NEO1: variants seen among roughly 807,000 people sequenced by gnomAD.
NEO1 encodes the protein neogenin 1.
Under a neutral mutation model 159.7 loss-of-function variants are expected in NEO1, and 63 were observed. The ratio of observed to expected loss-of-function variants is 0.39; its 90% CI spans 0.32 to 0.49. The LOEUF is 0.49. NEO1 is among the 20% of genes least tolerant of loss of function. NEO1 has a pLI of 0.85. For synonymous variants in NEO1, 633 were observed against 662.0 expected (o/e 0.96, Z 0.67); for missense variants, 1,615 against 1,831.0 (o/e 0.88, Z 2.15).
At chr15:73,078,447 G>GA (rs1333917389) in intron 1 of NEO1, among the ~76,000 whole-genome samples, 1 of 152,304 alleles carries the variant, frequency 6.6e-6, no homozygotes, top group African/African-American at 2.4e-5. Context: ...GATGATTCAG[G>GA]AGGAGCAGTA....
chr15:73,136,782 A>G (rs2031807346), intron 5 of NEO1, among the ~76,000 whole-genome samples: 1 of 152,106 alleles, frequency 6.6e-6, no homozygotes, highest in African/African-American at 2.4e-5. Context: ...CCATATGGAA[A>G]TGTACCCTCA....
intron 5 of NEO1, among the ~76,000 whole-genome samples, chr15:73,168,233 A>T (rs2034705785): frequency 6.6e-6 from 1 of 152,010 alleles, no homozygotes; most frequent in South Asian, 2.1e-4. Flanking sequence ...TCTGGTGCCC[A>T]GGCTGAAGTG....
intron 5 of NEO1, among the ~76,000 whole-genome samples, chr15:73,170,288 GTAAT>G (rs1227412851): frequency 7.2e-5 from 11 of 152,150 alleles, no homozygotes; most frequent in African/African-American, 2.4e-4. Context: ...AAGTAAATGA[GTAAT>G]TATGTTAGTG....
chr15:73,073,810 C>G (rs1332897311), intron 1 of NEO1, among the ~76,000 whole-genome samples: 1 of 152,108 alleles, frequency 6.6e-6, no homozygotes, highest in Non-Finnish European at 1.5e-5. Context: ...ATGTACCATA[C>G]TAGGAGATTT....
At chr15:73,272,674 C>A in intron 19 of NEO1, 112 bp downstream of exon 19, 1 of 755,784 alleles carries the variant, frequency 1.3e-6, no homozygotes, top group Non-Finnish European at 2.3e-6. Flanking sequence ...CTGGCTTGGT[C>A]ATTTTATGGT....
chr15:73,240,566 G>C (rs2039442778), intron 8 of NEO1, among the ~76,000 whole-genome samples: 1 of 152,130 alleles, frequency 6.6e-6, no homozygotes, highest in South Asian at 2.1e-4. Flanking sequence ...AGATAAGAAG[G>C]GACCATTTTT....
intron 19 of NEO1, 53 bp from the exon 20 acceptor site, chr15:73,273,758 G>A: frequency 1.4e-6 from 2 of 1,420,642 alleles, no homozygotes; most frequent in Non-Finnish European, 1.9e-6. Context: ...TTTACTGAAG[G>A]CAAAAGGAAA....
intron 1 of NEO1, among the ~76,000 whole-genome samples, chr15:73,100,643 G>T (rs1347021695): frequency 1.3e-5 from 2 of 152,042 alleles, no homozygotes; most frequent in South Asian, 4.1e-4. Flanking sequence ...CCACTTTGAT[G>T]TCTTGAACCC....
chr15:73,085,672 A>G (rs2069315592), intron 1 of NEO1, among the ~76,000 whole-genome samples: 1 of 152,140 alleles, frequency 6.6e-6, no homozygotes, highest in Non-Finnish European at 1.5e-5. Flanking sequence ...CCATTCTATT[A>G]GGTATTTTAG....
At chr15:73,070,126 A>C (rs2068462121) in intron 1 of NEO1, among the ~76,000 whole-genome samples, 1 of 152,252 alleles carries the variant, frequency 6.6e-6, no homozygotes, top group Non-Finnish European at 1.5e-5. Context: ...CAACAAGAAT[A>C]GTACAATTTA....
chr15:73,069,843 A>G (rs1299873856), intron 1 of NEO1, among the ~76,000 whole-genome samples: 2 of 152,178 alleles, frequency 1.3e-5, no homozygotes, highest in African/African-American at 2.4e-5. Context: ...AAGTAGAGGC[A>G]TTATATATTC....
chr15:73,192,840 C>T, intron 7 of NEO1, among the ~76,000 whole-genome samples: 1 of 151,852 alleles, frequency 6.6e-6, no homozygotes, highest in East Asian at 1.9e-4. Flanking sequence ...ATGGTTATAG[C>T]TGAGGAATGG....
chr15:73,238,922 C>T (rs754129690), intron 8 of NEO1, among the ~76,000 whole-genome samples: 9 of 152,118 alleles, frequency 5.9e-5, no homozygotes, highest in Admixed American at 2.0e-4. Flanking sequence ...TATATTGGCT[C>T]ACTGCAGCCT....
chr15:73,130,681 A>G (rs12899246), intron 4 of NEO1, among the ~76,000 whole-genome samples: 60,852 of 152,016 alleles, frequency 0.4, 13,722 homozygotes, highest in Middle Eastern at 0.52. Context: ...TATCCTAGCC[A>G]GGCAGTAATG....
At chr15:73,060,538 G>A (rs1275564748) in intron 1 of NEO1, among the ~76,000 whole-genome samples, 2 of 152,124 alleles carry the variant, frequency 1.3e-5, no homozygotes, top group African/African-American at 4.8e-5. Context: ...AAAGTGTTGG[G>A]ATTACAGACG....
At chr15:73,197,941 T>G (rs1245568062) in intron 7 of NEO1, among the ~76,000 whole-genome samples, 1 of 152,012 alleles carries the variant, frequency 6.6e-6, no homozygotes, top group African/African-American at 2.4e-5. Context: ...TCAGCCTCCC[T>G]AAGTACTGGG....
intron 13 of NEO1, among the ~76,000 whole-genome samples, chr15:73,257,461 C>A (rs1310846749): frequency 6.6e-6 from 1 of 152,076 alleles, no homozygotes; most frequent in Non-Finnish European, 1.5e-5. Flanking sequence ...CATGTTCTGG[C>A]ACTGAGTATA....
intron 5 of NEO1, among the ~76,000 whole-genome samples, chr15:73,171,859 C>T (rs2034994123): frequency 6.6e-6 from 1 of 151,884 alleles, no homozygotes; most frequent in South Asian, 2.1e-4. Flanking sequence ...CCAGGCTAGT[C>T]TTGAACTCCT....
chr15:73,222,091 A>ATTGTTT, intron 7 of NEO1: 1 of 53,046 alleles, frequency 1.9e-5, no homozygotes, highest in Non-Finnish European at 3.3e-5. Context: ...CCTGTTGGTA[A>ATTGTTT]TTTTTTTTTT....
Sources: allele counts gnomAD v4.1 joint callset (sites outside exome capture counted in the v4.1 genomes callset), GRCh38; gene constraint gnomAD v4.1.1; transcripts MANE v1.5; gene names NCBI Gene and HGNC (gene_info 2026-07-23, HGNC 2026-07-21).